The following PCDHA8 variants were observed in gnomAD, a reference collection of about 807,000 sequenced individuals.
PCDHA8 encodes protocadherin alpha 8.
In PCDHA8, 53 loss-of-function variants were observed where a neutral mutation model predicts 61.8. The observed-to-expected ratio is 0.86, with a 90% confidence interval of 0.69 to 1.08. PCDHA8 has a LOEUF of 1.08. Ranked by LOEUF, PCDHA8 falls within the 50% of genes least tolerant of loss-of-function variation. PCDHA8 has a pLI of 0.00. For synonymous variants in PCDHA8, 618 were observed against 556.6 expected, an observed-to-expected ratio of 1.11 and a Z score of -1.55; for missense variants, 1,293 against 1,245.0, an observed-to-expected ratio of 1.04 and a Z score of -0.58.
chr5:140,894,446 T>A (rs981858089), intron 1 of PCDHA8, among the ~76,000 whole-genome samples: 18 of 152,000 alleles, frequency 1.2e-4, no homozygotes, highest in African/African-American at 3.4e-4. Context: ...AGCTCTTTTT[T>A]AAAAAATATT....
chr5:140,926,915 T>A, intron 1 of PCDHA8: 1 of 1,563,726 alleles, frequency 6.4e-7, no homozygotes, highest in Non-Finnish European at 8.7e-7. Flanking sequence ...GGGGTGGCAG[T>A]TTTATGTTTG....
At chr5:140,884,381 T>C in intron 1 of PCDHA8, 2 of 1,613,986 alleles carry the variant, frequency 1.2e-6, no homozygotes, top group Non-Finnish European at 1.7e-6. Flanking sequence ...CATTGCCATC[T>C]GCGCGGTGTC....
At position 140,843,577 on chromosome 5, in the gene PCDHA8, A is replaced by G; in HGVS notation, c.2256A>G (p.Gln752=). The change falls in exon 1 of 4, where the codon CAA becomes CAG. Residue 752 remains glutamine, a synonymous_variant. Coordinates refer to ENST00000531613, the MANE Select transcript of PCDHA8 (RefSeq NM_018911.3). ...CGGTGGGGAGCTGGTCATACTCGCA[A>G]CAACAGCCGCAGAGGGTGTGCTCTG... ...SSAVGSWSYS[Q]QQPQRVCSGE... is the part of the protein sequence containing the mutation. The G allele has an allele frequency of 6.3e-7, 1 of 1,595,954 alleles. No individual in the cohort carries two copies. The highest frequency in any genetic ancestry group is 2.2e-5 in the East Asian group (1 of 44,826).
chr5:140,877,458 G>T lies in PCDHA8; in HGVS notation c.2394+33743G>T, dbSNP rs200155876. 8.2e-5 allele frequency: 133 copies of T among 1,613,696 alleles called. 1 individual carries two copies. The highest frequency in any genetic ancestry group is 2.5e-5 in the Non-Finnish European group (30 of 1,179,864). ...ACGGTGAGCCCGCGCTGACGTCCAC[G>T]GCCACGGTGCTGGTGTCGCTGGTGG... On this transcript the variant is annotated intron_variant, in intron 1 of 3. Transcript: ENST00000531613.
rs2047281878 is a variant in PCDHA8, at chr5:140,862,273, A to T, written c.2394+18558A>T. On this transcript the variant is annotated intron_variant, in intron 1 of 3. Coordinates refer to ENST00000531613, the MANE Select transcript of PCDHA8 (RefSeq NM_018911.3). ...CCAGAGTTAGCAGTAAGTCACTATC[A>T]TTCCCTGTACAGGAGGACGCTCCAC... The T allele has an allele frequency of 1.2e-5, 3 of 240,916 alleles. No individual in the cohort carries two copies. In the South Asian group the frequency reaches 1.9e-4, roughly 15 times the overall value. 14.9% of individuals were successfully genotyped at this position (240,916 alleles called of 1,614,324 possible).
intron 1 of PCDHA8, among the ~76,000 whole-genome samples, chr5:140,924,669 C>T (rs2081944464): frequency 6.6e-6 from 1 of 151,998 alleles, no homozygotes; most frequent in African/African-American, 2.4e-5. Flanking sequence ...CCGAGGCAGG[C>T]CAATCACTTG....
intron 1 of PCDHA8, among the ~76,000 whole-genome samples, chr5:140,943,845 C>T (rs59104695): frequency 0.056 from 8,479 of 152,194 alleles, 700 homozygotes; most frequent in African/African-American, 0.18. Flanking sequence ...TGTAAGATGT[C>T]ACAGAAGTCA....
At chr5:140,974,856 C>G (rs2096643713) in intron 1 of PCDHA8, among the ~76,000 whole-genome samples, 1 of 152,104 alleles carries the variant, frequency 6.6e-6, no homozygotes, top group African/African-American at 2.4e-5. Context: ...TTCCCTTTTG[C>G]CTTAATGCGG....
intron 1 of PCDHA8, chr5:140,857,901 G>C: frequency 1.3e-6 from 2 of 1,597,732 alleles, no homozygotes; most frequent in Non-Finnish European, 1.7e-6. Context: ...GTTGGTGCAC[G>C]CATCCCGTTT....
intron 3 of PCDHA8, chr5:140,988,926 A>C (rs562175503): frequency 6.6e-6 from 1 of 152,238 alleles, no homozygotes; most frequent in Non-Finnish European, 1.5e-5. Flanking sequence ...ATAGAACAAC[A>C]CTGTTCTCTT....
chr5:140,934,706 T>G (rs141577289), intron 1 of PCDHA8, among the ~76,000 whole-genome samples: 348 of 152,292 alleles, frequency 2.3e-3, no homozygotes, highest in African/African-American at 8.1e-3. Context: ...CCTGGCCATC[T>G]TACAAAAAGG....
chr5:140,973,406 T>C (rs1205127002), intron 1 of PCDHA8, among the ~76,000 whole-genome samples: 1 of 152,240 alleles, frequency 6.6e-6, no homozygotes, highest in Non-Finnish European at 1.5e-5. Flanking sequence ...ATCTATGAGC[T>C]TCCACTCCAG....
chr5:140,978,444 T>G (rs2096802589), intron 1 of PCDHA8, among the ~76,000 whole-genome samples: 1 of 152,248 alleles, frequency 6.6e-6, no homozygotes, highest in Non-Finnish European at 1.5e-5. Context: ...GTGTTATGAC[T>G]GGGCACATCC....
intron 1 of PCDHA8, among the ~76,000 whole-genome samples, chr5:140,906,693 G>A (rs887867103): frequency 6.6e-6 from 1 of 152,082 alleles, no homozygotes; most frequent in African/African-American, 2.4e-5. Context: ...GAAGGATCTG[G>A]GCCATTTGTA....
At chr5:140,872,418 A>G (rs2053650259) in intron 1 of PCDHA8, among the ~76,000 whole-genome samples, 2 of 152,014 alleles carry the variant, frequency 1.3e-5, no homozygotes, top group East Asian at 3.9e-4. Flanking sequence ...CTTGAGCCCA[A>G]GAGTTCGAGG....
chr5:140,872,165 C>CT (rs781807025), intron 1 of PCDHA8, among the ~76,000 whole-genome samples: 5,631 of 144,184 alleles, frequency 0.039, 139 homozygotes, highest in African/African-American at 0.065. Flanking sequence ...ATTTACTTTT[C>CT]TTTTTTTTTT....
At chr5:140,860,209 G>A (rs1263350528) in intron 1 of PCDHA8, 13 of 147,554 alleles carry the variant, frequency 8.8e-5, no homozygotes, top group Middle Eastern at 7.1e-3. Context: ...ATCTATATAT[G>A]TACTTATGTA....
At chr5:140,924,188 T>A (rs2081715328) in intron 1 of PCDHA8, among the ~76,000 whole-genome samples, 1 of 152,146 alleles carries the variant, frequency 6.6e-6, no homozygotes, top group African/African-American at 2.4e-5. Flanking sequence ...AGAAAATTAG[T>A]TTTGGTTTAG....
intron 1 of PCDHA8, among the ~76,000 whole-genome samples, chr5:140,912,652 G>C (rs555103404): frequency 1.4e-4 from 21 of 152,250 alleles, no homozygotes; most frequent in African/African-American, 5.1e-4. Context: ...TTGAATAGAA[G>C]TGGTGAAAAT....
Sources: allele counts gnomAD v4.1 joint callset (sites outside exome capture counted in the v4.1 genomes callset), GRCh38; gene constraint gnomAD v4.1.1; transcripts MANE v1.5; gene names NCBI Gene and HGNC (gene_info 2026-07-23, HGNC 2026-07-21).